The following HIBADH variants were observed in gnomAD, a reference collection of about 807,000 sequenced individuals.
The protein encoded by HIBADH is 3-hydroxyisobutyrate dehydrogenase.
Under a neutral mutation model 36.1 loss-of-function variants are expected in HIBADH, and 25 were observed. The ratio of observed to expected loss-of-function variants is 0.69; its 90% CI spans 0.50 to 0.97. HIBADH has a LOEUF of 0.97. Ranked by LOEUF, HIBADH falls within the 50% of genes least tolerant of loss-of-function variation. The pLI is 0.00. For missense variants in HIBADH, 421 were observed against 418.0 expected, an observed-to-expected ratio of 1.01 and a Z score of -0.06; for synonymous variants, 160 against 149.5, an observed-to-expected ratio of 1.07 and a Z score of -0.51.
chr7:27,531,809 G>A (rs1325560986), intron 6 of HIBADH, among the ~76,000 whole-genome samples: 2 of 152,078 alleles, frequency 1.3e-5, no homozygotes, highest in Admixed American at 1.3e-4. Flanking sequence ...CTGTGTGAAT[G>A]CATTTATATG....
intron 4 of HIBADH, among the ~76,000 whole-genome samples, chr7:27,544,088 G>GT (rs1784198343): frequency 6.6e-6 from 1 of 152,128 alleles, no homozygotes; most frequent in Admixed American, 6.5e-5. Context: ...TTACAGTACA[G>GT]TAAGAACAAA....
chr7:27,617,036 C>T (rs1434089825), intron 4 of HIBADH, among the ~76,000 whole-genome samples: 2 of 152,110 alleles, frequency 1.3e-5, no homozygotes, highest in African/African-American at 4.8e-5. Context: ...CAGTGTTTAT[C>T]AAGTCTACAG....
At chr7:27,541,855 G>A in intron 5 of HIBADH, 1 of 334,192 alleles carries the variant, frequency 3.0e-6, no homozygotes, top group South Asian at 2.4e-5. Context: ...AAGATGATTA[G>A]TGTCACATGA....
intron 4 of HIBADH, among the ~76,000 whole-genome samples, chr7:27,612,450 C>T (rs372924069): frequency 3.3e-5 from 5 of 151,818 alleles, no homozygotes; most frequent in African/African-American, 1.2e-4. Context: ...TGCTGCCTCC[C>T]AAGTAGCTGG....
chr7:27,629,879 G>A (rs1225591166), intron 3 of HIBADH, among the ~76,000 whole-genome samples: 2 of 152,054 alleles, frequency 1.3e-5, no homozygotes, highest in African/African-American at 2.4e-5. Context: ...TAAAGTAGCT[G>A]GATCTTTAAA....
At chr7:27,644,367 A>AGGC (rs1160495464) in intron 2 of HIBADH, among the ~76,000 whole-genome samples, 3 of 152,098 alleles carry the variant, frequency 2.0e-5, no homozygotes, top group African/African-American at 4.8e-5. Context: ...TGGGAGGCCA[A>AGGC]GGCGGGTGGA....
At chr7:27,571,995 T>C (rs989455402) in intron 4 of HIBADH, among the ~76,000 whole-genome samples, 4 of 152,174 alleles carry the variant, frequency 2.6e-5, no homozygotes, top group African/African-American at 9.7e-5. Context: ...TTACGATCCA[T>C]AGAACACCCT....
chr7:27,560,880 T>C (rs942926856), intron 4 of HIBADH, among the ~76,000 whole-genome samples: 3 of 152,214 alleles, frequency 2.0e-5, no homozygotes, highest in Admixed American at 6.5e-5. Flanking sequence ...GAACCACCAA[T>C]ATCATTTTCC....
chr7:27,661,656 TAAGCA>T (rs1036238753), intron 1 of HIBADH, among the ~76,000 whole-genome samples: 2 of 151,500 alleles, frequency 1.3e-5, no homozygotes, highest in African/African-American at 4.9e-5. Context: ...ATTTTTTTTT[TAAGCA>T]AAGATTAGAA....
intron 1 of HIBADH, 55 bp from the exon 2 acceptor site, chr7:27,649,688 A>AT: frequency 7.0e-7 from 1 of 1,429,684 alleles, no homozygotes; most frequent in Non-Finnish European, 9.4e-7. Flanking sequence ...TATTGTAAAC[A>AT]TTCATTTAAT....
intron 4 of HIBADH, among the ~76,000 whole-genome samples, chr7:27,546,837 T>G (rs1784241085): frequency 6.6e-6 from 1 of 152,200 alleles, no homozygotes; most frequent in Non-Finnish European, 1.5e-5. Flanking sequence ...ATTCAGCCAC[T>G]TCTCTCACTG....
chr7:27,617,320 T>C (rs992013531), intron 4 of HIBADH, among the ~76,000 whole-genome samples: 1 of 152,338 alleles, frequency 6.6e-6, no homozygotes, highest in East Asian at 1.9e-4. Context: ...CAATATAGCC[T>C]AGATTCAGGT....
At chr7:27,594,695 T>A (rs2128289457) in intron 4 of HIBADH, among the ~76,000 whole-genome samples, 1 of 152,132 alleles carries the variant, frequency 6.6e-6, no homozygotes, top group Non-Finnish European at 1.5e-5. Flanking sequence ...AAAAGAGCAA[T>A]GAAAGACAAC....
intron 4 of HIBADH, among the ~76,000 whole-genome samples, chr7:27,610,652 C>T (rs1300287536): frequency 6.6e-6 from 1 of 152,158 alleles, no homozygotes. Flanking sequence ...CCCCTCCACA[C>T]ATTATAAACC....
chr7:27,548,851 T>C (rs1784274533), intron 4 of HIBADH, among the ~76,000 whole-genome samples: 1 of 152,196 alleles, frequency 6.6e-6, no homozygotes, highest in Non-Finnish European at 1.5e-5. Flanking sequence ...TCCTTTCATT[T>C]TTCAACCCTC....
chr7:27,553,177 T>C (rs543828226), intron 4 of HIBADH, among the ~76,000 whole-genome samples: 7 of 152,214 alleles, frequency 4.6e-5, no homozygotes, highest in Non-Finnish European at 1.0e-4. Flanking sequence ...TTGTTAACTC[T>C]GAAAGCTAAT....
At chr7:27,621,495 T>A (rs1361410165) in intron 4 of HIBADH, among the ~76,000 whole-genome samples, 3 of 152,144 alleles carry the variant, frequency 2.0e-5, no homozygotes, top group Admixed American at 6.5e-5. Flanking sequence ...GAATAACTTT[T>A]AAAAAACTGA....
At chr7:27,649,447 A>G (rs757713161) in intron 2 of HIBADH, 26 bp downstream of exon 2, 15 of 1,549,926 alleles carry the variant, frequency 9.7e-6, no homozygotes, top group Non-Finnish European at 1.3e-5. Context: ...TCAAAATCTA[A>G]AACAAATCTA....
intron 4 of HIBADH, among the ~76,000 whole-genome samples, chr7:27,584,975 C>A (rs1190028187): frequency 6.6e-6 from 1 of 151,866 alleles, no homozygotes; most frequent in East Asian, 1.9e-4. Context: ...CTTAACAATG[C>A]TAAAAGTACA....
Sources: allele counts gnomAD v4.1 joint callset (sites outside exome capture counted in the v4.1 genomes callset), GRCh38; gene constraint gnomAD v4.1.1; transcripts MANE v1.5; gene names NCBI Gene and HGNC (gene_info 2026-07-23, HGNC 2026-07-21).